The following PPIE variants were observed in gnomAD, a reference collection of about 807,000 sequenced individuals.
PPIE encodes the protein peptidyl-prolyl cis-trans isomerase E.
In PPIE, 20 loss-of-function variants were observed where a neutral mutation model predicts 38.4. That is an observed-to-expected ratio of 0.52 (90% CI 0.37 to 0.76). The LOEUF is 0.76. Among genes scored for constraint, PPIE ranks in the 30% least tolerant of loss-of-function variants. PPIE has a pLI of 0.00. For missense variants in PPIE, 322 were observed against 385.8 expected (o/e 0.83, Z 1.39); for synonymous variants, 142 against 135.7 (o/e 1.05, Z -0.32).
chr1:39,744,074 G>A, intron 6 of PPIE, 150 bp downstream of exon 6: 1 of 583,946 alleles, frequency 1.7e-6, no homozygotes, highest in South Asian at 2.3e-5. Context: ...AGTCAATATT[G>A]AGTTCTTAGT....
chr1:39,753,640 C>T lies in PPIE; in HGVS notation c.*285C>T, dbSNP rs1647992233. 2 of 1,279,246 alleles carry T rather than the reference C, an allele frequency of 1.6e-6. No homozygotes were observed. Among genetic ancestry groups the T allele is most frequent in the Non-Finnish European group, 2.0e-6 (2 of 1,012,932 alleles). 79.2% of individuals were successfully genotyped at this position (1,279,246 alleles called of 1,614,324 possible). On this transcript the variant is annotated 3_prime_UTR_variant, in exon 10 of 10. Transcript: ENST00000324379. ...TCTCAGCATTTGCTGCTGGGCCTCT[C>T]CTGGGACTACCAGTGTGGCTCTTAC...
chr1:39,742,158 G>C, intron 4 of PPIE: 1 of 508,288 alleles, frequency 2.0e-6, no homozygotes, highest in East Asian at 3.3e-5. Flanking sequence ...GTCTCTCACT[G>C]GCTCTCCCAT....
At chr1:39,741,623 C>T in intron 3 of PPIE, 2 of 631,320 alleles carry the variant, frequency 3.2e-6, no homozygotes, top group Non-Finnish European at 5.5e-6. Flanking sequence ...CCATTCTTGC[C>T]CTGCAGAGGA....
chr1:39,751,176 A>C (rs190483639), intron 8 of PPIE, among the ~76,000 whole-genome samples: 31 of 152,364 alleles, frequency 2.0e-4, no homozygotes, highest in Admixed American at 5.2e-4. Context: ...TTAGAGTCCA[A>C]AGTAAAGAAT....
chr1:39,755,427 T>C lies in PPIE; in HGVS notation c.*2072T>C. ...CAGTTGACTGAGTTCAGGCTCCATG[T>C]AGCTGGGATATACTACATGGTTACC... On this transcript the variant is annotated 3_prime_UTR_variant, in exon 10 of 10. Coordinates refer to ENST00000324379, the MANE Select transcript of PPIE (RefSeq NM_006112.4). The C allele has an allele frequency of 1.0e-6, 1 of 985,472 alleles. No individual in the cohort carries two copies. The highest frequency in any genetic ancestry group is 1.2e-6 in the Non-Finnish European group (1 of 829,934). 61.0% of individuals were successfully genotyped at this position (985,472 alleles called of 1,614,324 possible).
intron 6 of PPIE, among the ~76,000 whole-genome samples, chr1:39,744,552 G>A (rs1647146254): frequency 6.6e-6 from 1 of 152,154 alleles, no homozygotes; most frequent in South Asian, 2.1e-4. Context: ...TCTATCTCTA[G>A]TTTTATGCAG....
chr1:39,750,976 A>G (rs752396315), intron 8 of PPIE, among the ~76,000 whole-genome samples: 30 of 152,252 alleles, frequency 2.0e-4, no homozygotes, highest in Admixed American at 4.6e-4. Flanking sequence ...ACGAATTTGT[A>G]TAATACTCGA....
intron 9 of PPIE, among the ~76,000 whole-genome samples, chr1:39,761,918 G>A (rs1322204071): frequency 1.3e-5 from 2 of 152,258 alleles, no homozygotes; most frequent in Non-Finnish European, 2.9e-5. Context: ...GGTTACGAGT[G>A]CTCACTTTAG....
downstream of PPIE, among the ~76,000 whole-genome samples, chr1:39,761,031 C>T (rs1415824770): frequency 6.6e-6 from 1 of 152,108 alleles, no homozygotes; most frequent in Non-Finnish European, 1.5e-5. Flanking sequence ...AGGCCTCCGC[C>T]CCTCTCCTGT....
At chr1:39,743,706 G>A in intron 5 of PPIE, 118 bp from the exon 6 acceptor site, 1 of 754,746 alleles carries the variant, frequency 1.3e-6, no homozygotes, top group South Asian at 1.7e-5. Context: ...GGAGTTCTCA[G>A]TGGGGAATTG....
chr1:39,740,053 A>G, intron 1 of PPIE, 112 bp from the exon 2 acceptor site: 1 of 728,104 alleles, frequency 1.4e-6, no homozygotes, highest in Non-Finnish European at 2.4e-6. Context: ...TTGTTTACCC[A>G]AAGAACTGAA....
At chr1:39,739,046 G>A (rs568210070) in intron 1 of PPIE, 115 bp downstream of exon 1, 81 of 1,180,854 alleles carry the variant, frequency 6.9e-5, no homozygotes, top group Non-Finnish European at 8.4e-5. Context: ...TCAAGGCCGG[G>A]TCTCTGGCGG....
intron 8 of PPIE, among the ~76,000 whole-genome samples, chr1:39,752,506 C>T (rs1230197339): frequency 6.6e-6 from 1 of 152,144 alleles, no homozygotes; most frequent in Admixed American, 6.6e-5. Context: ...TATACATGTA[C>T]ATTCTCTTAC....
rs1422806453 is a variant in PPIE at position 39,754,401 on chromosome 1, G to GA, written c.*1053dup. ...ACAGACCAGCAGGCTGGAGACTCAG[G>GA]AAAAAAACTGATGTTGCAGTTCAGC... On this transcript the variant is annotated 3_prime_UTR_variant, in exon 10 of 10. Transcript: ENST00000324379. 6.6e-6 allele frequency among the ~76,000 whole-genome samples: 1 copy of GA among 152,142 alleles called. No homozygotes were observed. The highest frequency in any genetic ancestry group is 1.9e-4 in the East Asian group (1 of 5,194).
In PPIE at chr1:39,743,239, T is replaced by C. The variant is rs372773359; in HGVS notation, c.225T>C (p.Arg75=). ...AGAATGAATCTGAGCTTTTTGGACG[T>C]ACAATTCGTGTCAATTTGGCCAAAC... ...DNMNESELFG[R]TIRVNLAKPM... is the part of the protein sequence containing the mutation. The change falls in exon 5 of 10, where the codon CGT becomes CGC. Residue 75 remains arginine (R), a synonymous_variant. Coordinates refer to ENST00000324379, the MANE Select transcript of PPIE (RefSeq NM_006112.4). The C allele has an allele frequency of 3.1e-6, 5 of 1,614,094 alleles. No individual in the cohort carries two copies. The highest frequency in any genetic ancestry group is 4.2e-6 in the Non-Finnish European group (5 of 1,180,026).
chr1:39,743,757 C>T, intron 5 of PPIE, 67 bp from the exon 6 acceptor site: 1 of 1,343,688 alleles, frequency 7.4e-7, no homozygotes, highest in Non-Finnish European at 1.1e-6. Flanking sequence ...CTTTGCTGAC[C>T]AAAGCAGCTA....
chr1:39,762,839 G>T (rs1649186813), intron 9 of PPIE, among the ~76,000 whole-genome samples: 1 of 152,266 alleles, frequency 6.6e-6, no homozygotes, highest in South Asian at 2.1e-4. Context: ...AGTTTGTTCG[G>T]TGCATAGAAC....
chr1:39,760,073 C>T (rs543310924), downstream of PPIE: 24 of 305,408 alleles, frequency 7.9e-5, no homozygotes, highest in Non-Finnish European at 1.2e-4. Context: ...ATCTATCTCA[C>T]GACCTGAGCC....
chr1:39,760,447 A>G (rs141768760), downstream of PPIE: 21 of 1,613,984 alleles, frequency 1.3e-5, no homozygotes, highest in Non-Finnish European at 1.7e-5. Context: ...CTTGACCACC[A>G]TGTTGCGGTG....
Sources: gnomAD v4.1 joint callset for allele counts (sites outside exome capture counted in the v4.1 genomes callset) on GRCh38, gnomAD v4.1.1 for gene constraint, MANE v1.5 for transcripts, NCBI Gene and HGNC (gene_info 2026-07-23, HGNC 2026-07-21) for gene names.